The following GTF2I variants were observed in gnomAD, a reference collection of about 807,000 sequenced individuals.
The protein encoded by GTF2I is general transcription factor IIi.
GTF2I carries 12 observed loss-of-function variants against 67.6 expected under a neutral mutation model. That is an observed-to-expected ratio of 0.18 (90% CI 0.11 to 0.29). GTF2I has a LOEUF of 0.29. Among genes scored for constraint, GTF2I ranks in the 10% least tolerant of loss-of-function variants. GTF2I has a pLI of 1.00. For missense variants in GTF2I, 271 were observed against 580.1 expected, an observed-to-expected ratio of 0.47 and a Z score of 5.47; for synonymous variants, 149 against 197.0, an observed-to-expected ratio of 0.76 and a Z score of 2.04.
chr7:74,723,473 C>T (rs1413837069), intron 12 of GTF2I, among the ~76,000 whole-genome samples: 3 of 118,784 alleles, frequency 2.5e-5, no homozygotes, highest in African/African-American at 9.9e-5. Flanking sequence ...CTCTGTTGCC[C>T]AGGCTGGAGT....
At chr7:74,707,543 A>G (rs1790904077) in intron 8 of GTF2I, among the ~76,000 whole-genome samples, 1 of 152,196 alleles carries the variant, frequency 6.6e-6, no homozygotes, top group African/African-American at 2.4e-5. Flanking sequence ...GCTTTTATGT[A>G]TGTAAGTGTA....
chr7:74,680,611 G>A (rs1369920209), intron 1 of GTF2I, among the ~76,000 whole-genome samples: 1 of 152,046 alleles, frequency 6.6e-6, no homozygotes, highest in African/African-American at 2.4e-5. Flanking sequence ...GCGTGGTGCT[G>A]CAAGTCTGTA....
At chr7:74,688,415 T>A (rs1392846288) in intron 1 of GTF2I, among the ~76,000 whole-genome samples, 1 of 152,162 alleles carries the variant, frequency 6.6e-6, no homozygotes, top group African/African-American at 2.4e-5. Context: ...TTCATTTTAT[T>A]TTGGTAAAAT....
intron 1 of GTF2I, among the ~76,000 whole-genome samples, chr7:74,665,470 T>C (rs1267361356): frequency 2.0e-5 from 3 of 151,892 alleles, no homozygotes; most frequent in Non-Finnish European, 4.4e-5. Flanking sequence ...CAGGCTGGTC[T>C]CCAACTCTTG....
intron 1 of GTF2I, among the ~76,000 whole-genome samples, chr7:74,669,224 G>GTTTTTT (rs34714148): frequency 1.9e-4 from 14 of 75,446 alleles, no homozygotes; most frequent in South Asian, 5.6e-4. Context: ...GACTAGTTTA[G>GTTTTTT]TTTTTTTTTT....
At position 74,749,197 on chromosome 7, in the gene GTF2I, G is replaced by GT. The variant is rs1177088349; in HGVS notation, c.2237-70dup. The GT allele has an allele frequency of 1.9e-4, 44 of 225,812 alleles. No homozygotes were observed. The African/African-American group carries it at 2.8e-3, about 14-fold the overall frequency. 14.0% of individuals were successfully genotyped at this position (225,812 alleles called of 1,614,324 possible). ...TTGGAGTATCCCTGTCATTGGCAAC[G>GT]TGTGGGTTTTTCGGGATTGAATGGC... On this transcript the variant is annotated intron_variant, in intron 25 of 34. Transcript: ENST00000573035.
chr7:74,731,203 C>T (rs1186415340), intron 14 of GTF2I, among the ~76,000 whole-genome samples: 2 of 145,216 alleles, frequency 1.4e-5, no homozygotes, highest in African/African-American at 5.1e-5. Context: ...TATTTATTAT[C>T]ATCTGTTATC....
chr7:74,708,627 G>C (rs954434772), intron 8 of GTF2I, among the ~76,000 whole-genome samples: 2 of 152,304 alleles, frequency 1.3e-5, no homozygotes, highest in African/African-American at 4.8e-5. Flanking sequence ...AAGCCAAAAG[G>C]AAGGCCCAGA....
At chr7:74,727,726 G>T (rs1554405999) in intron 12 of GTF2I, 1 of 152,164 alleles carries the variant, frequency 6.6e-6, no homozygotes, top group Non-Finnish European at 1.5e-5. Context: ...CATGTTACCT[G>T]ACACTTTGAG....
chr7:74,741,013 A>G (rs1554408038), intron 19 of GTF2I, among the ~76,000 whole-genome samples: 1 of 27,394 alleles, frequency 3.7e-5, no homozygotes, highest in African/African-American at 1.8e-4. Flanking sequence ...ACACCTGAAT[A>G]CTCTGTCCAC....
chr7:74,712,003 G>A (rs1791608352), intron 9 of GTF2I, among the ~76,000 whole-genome samples: 1 of 147,802 alleles, frequency 6.8e-6, no homozygotes, highest in Non-Finnish European at 1.5e-5. Context: ...AGGCTGGAGT[G>A]CAGTGGCGCG....
intron 3 of GTF2I, among the ~76,000 whole-genome samples, chr7:74,692,335 G>A (rs782622008): frequency 2.0e-5 from 3 of 152,176 alleles, no homozygotes; most frequent in Non-Finnish European, 4.4e-5. Flanking sequence ...CTCCCAAAGT[G>A]CTGGGATTAC....
chr7:74,711,211 T>C (rs1436491115), intron 9 of GTF2I, 102 bp downstream of exon 9: 11 of 584,858 alleles, frequency 1.9e-5, no homozygotes, highest in Non-Finnish European at 3.3e-5. Flanking sequence ...ATTTTATTGA[T>C]CAGTTCTTGA....
intron 1 of GTF2I, among the ~76,000 whole-genome samples, chr7:74,667,377 C>T (rs938368229): frequency 2.0e-5 from 3 of 152,084 alleles, no homozygotes; most frequent in Admixed American, 2.0e-4. Flanking sequence ...GAATTTGTTC[C>T]TTTATGAAGA....
At chr7:74,712,189 G>C (rs587724902) in intron 9 of GTF2I, among the ~76,000 whole-genome samples, 2 of 152,186 alleles carry the variant, frequency 1.3e-5, no homozygotes, top group South Asian at 4.2e-4. Flanking sequence ...GACCTCAGGT[G>C]ATCCACCCGC....
At chr7:74,696,390 G>A (rs782681611) in intron 3 of GTF2I, among the ~76,000 whole-genome samples, 31 of 151,552 alleles carry the variant, frequency 2.0e-4, no homozygotes, top group Non-Finnish European at 3.1e-4. Context: ...GCAGTGGTGC[G>A]ATCTTGGCTC....
chr7:74,687,635 A>C, intron 1 of GTF2I: 1 of 713,950 alleles, frequency 1.4e-6, no homozygotes, highest in Middle Eastern at 7.2e-4. Flanking sequence ...AAGCTAGATC[A>C]CAGTCTTTAA....
intron 12 of GTF2I, among the ~76,000 whole-genome samples, chr7:74,721,331 G>A (rs1584273851): frequency 6.6e-6 from 1 of 152,140 alleles, no homozygotes; most frequent in African/African-American, 2.4e-5. Flanking sequence ...ATGAGCCACC[G>A]CACCTGGCCA....
chr7:74,676,160 G>A (rs1032488766), intron 1 of GTF2I, among the ~76,000 whole-genome samples: 5 of 152,030 alleles, frequency 3.3e-5, no homozygotes, highest in Non-Finnish European at 2.9e-5. Flanking sequence ...GCTGTTCTTA[G>A]GTTATAAAAA....
Sources: allele counts gnomAD v4.1 joint callset (sites outside exome capture counted in the v4.1 genomes callset), GRCh38; gene constraint gnomAD v4.1.1; transcripts MANE v1.5; gene names NCBI Gene and HGNC (gene_info 2026-07-23, HGNC 2026-07-21).